CNTN4: variants seen among roughly 807,000 people sequenced by gnomAD.
CNTN4 encodes contactin 4, also known as contactin-4.
Under a neutral mutation model 122.5 loss-of-function variants are expected in CNTN4, and 77 were observed. That is an observed-to-expected ratio of 0.63 (90% CI 0.52 to 0.76). The LOEUF is 0.76. Among genes scored for constraint, CNTN4 ranks in the 30% least tolerant of loss-of-function variants. The probability of loss-of-function intolerance (pLI) is 0.00; values close to 1 mark genes in which losing one functional copy is unlikely to be tolerated. For missense variants in CNTN4, 1,256 were observed against 1,259.1 expected (o/e 1.00, Z 0.04); for synonymous variants, 512 against 447.0 (o/e 1.15, Z -1.83).
chr3:2,964,596 A>G (rs1692110434), intron 13 of CNTN4, among the ~76,000 whole-genome samples: 2 of 152,172 alleles, frequency 1.3e-5, no homozygotes, highest in South Asian at 4.1e-4. Context: ...TGTTTCTTAT[A>G]AGCTCCCATA....
chr3:2,664,241 A>T (rs1447766358), intron 4 of CNTN4, among the ~76,000 whole-genome samples: 4 of 152,230 alleles, frequency 2.6e-5, no homozygotes, highest in Non-Finnish European at 5.9e-5. Context: ...TTGGGGTAAT[A>T]GAAATACATA....
At chr3:2,428,293 C>T (rs531605258) in intron 3 of CNTN4, among the ~76,000 whole-genome samples, 6 of 152,230 alleles carry the variant, frequency 3.9e-5, no homozygotes, top group African/African-American at 7.2e-5. Context: ...TCAGCATTTG[C>T]TTGTCTGTAA....
chr3:2,648,160 C>A (rs138628046), intron 4 of CNTN4, among the ~76,000 whole-genome samples: 82 of 152,202 alleles, frequency 5.4e-4, no homozygotes, highest in African/African-American at 1.9e-3. Flanking sequence ...ATGACACTTA[C>A]TTTATTTGGA....
At chr3:2,423,678 A>T (rs1386755376) in intron 3 of CNTN4, among the ~76,000 whole-genome samples, 1 of 152,074 alleles carries the variant, frequency 6.6e-6, no homozygotes, top group Admixed American at 6.6e-5. Flanking sequence ...TTGGATAATC[A>T]TTAGATTGCT....
intron 2 of CNTN4, among the ~76,000 whole-genome samples, chr3:2,192,244 C>T (rs987735398): frequency 2.6e-5 from 4 of 152,128 alleles, no homozygotes; most frequent in African/African-American, 9.7e-5. Context: ...GGTGTATACC[C>T]ATTAATGGGA....
Position 2,633,536 on chromosome 3 carries a change from G to T in CNTN4, c.55+61978G>T, listed in dbSNP as rs1020469188. 2.6e-5 allele frequency among the ~76,000 whole-genome samples: 4 copies of T among 152,266 alleles called. No homozygotes were observed. The South Asian group carries it at 8.3e-4, about 32-fold the overall frequency. On this transcript the variant is annotated intron_variant, in intron 4 of 24. Transcript: ENST00000418658. The stretch of plus-strand genomic sequence containing the variant: ...TACAGAAAGTCAAGCTTGATTTGGG[G>T]CTTAAATCCATTGTGAAAATGCAGT...
intron 2 of CNTN4, among the ~76,000 whole-genome samples, chr3:2,199,104 A>G (rs1242498142): frequency 6.6e-6 from 1 of 152,220 alleles, no homozygotes; most frequent in Non-Finnish European, 1.5e-5. Context: ...TCTAGCTGGG[A>G]GGAATTCCCC....
At chr3:2,631,797 G>GA (rs2082439694) in intron 4 of CNTN4, among the ~76,000 whole-genome samples, 1 of 143,378 alleles carries the variant, frequency 7.0e-6, no homozygotes, top group Non-Finnish European at 1.5e-5. Context: ...AGAAGGCCAA[G>GA]ATGGGAAAAT....
intron 3 of CNTN4, among the ~76,000 whole-genome samples, chr3:2,527,920 C>G (rs2077460811): frequency 6.6e-6 from 1 of 152,098 alleles, no homozygotes; most frequent in African/African-American, 2.4e-5. Context: ...GTTCTGCTTT[C>G]CTTTTGTTTT....
chr3:2,164,340 G>A (rs938828945), intron 2 of CNTN4, among the ~76,000 whole-genome samples: 1 of 152,080 alleles, frequency 6.6e-6, no homozygotes, highest in Admixed American at 6.6e-5. Context: ...TCGCATAACT[G>A]TAAGTAAAAA....
chr3:2,567,768 C>A (rs1008178660), intron 3 of CNTN4, among the ~76,000 whole-genome samples: 9 of 152,136 alleles, frequency 5.9e-5, no homozygotes, highest in Non-Finnish European at 1.3e-4. Flanking sequence ...TGTCACTTGG[C>A]TCAGAATGGC....
At chr3:2,147,427 T>C (rs2035296741) in intron 2 of CNTN4, among the ~76,000 whole-genome samples, 1 of 152,304 alleles carries the variant, frequency 6.6e-6, no homozygotes, top group South Asian at 2.1e-4. Flanking sequence ...TTAAGTACTC[T>C]GGAAGCCAGA....
At chr3:2,698,138 A>G (rs1438147532) in intron 4 of CNTN4, among the ~76,000 whole-genome samples, 2 of 152,246 alleles carry the variant, frequency 1.3e-5, no homozygotes, top group African/African-American at 4.8e-5. Flanking sequence ...TGCAGAAATT[A>G]TCACAGGACT....
At chr3:2,747,222 A>G (rs1436483275) in intron 6 of CNTN4, among the ~76,000 whole-genome samples, 3 of 152,174 alleles carry the variant, frequency 2.0e-5, no homozygotes, top group East Asian at 1.9e-4. Context: ...ATCCTGGCTA[A>G]CACGATGAAA....
chr3:2,776,313 C>CT (rs11303875), intron 6 of CNTN4, among the ~76,000 whole-genome samples: 36 of 117,916 alleles, frequency 3.1e-4, no homozygotes, highest in South Asian at 8.3e-4. Context: ...ATAAGTGTTT[C>CT]TTTTTTTTTT....
At chr3:2,209,216 C>T (rs927809407) in intron 2 of CNTN4, among the ~76,000 whole-genome samples, 26 of 152,262 alleles carry the variant, frequency 1.7e-4, no homozygotes, top group African/African-American at 6.0e-4. Context: ...TGCTATGTTC[C>T]TGTCAATCTC....
At chr3:2,277,130 C>T (rs1456621721) in intron 2 of CNTN4, among the ~76,000 whole-genome samples, 8 of 152,066 alleles carry the variant, frequency 5.3e-5, no homozygotes, top group Admixed American at 5.2e-4. Flanking sequence ...TTAGAACCCA[C>T]ACATTTTCAC....
chr3:2,915,169 G>A (rs374180336), intron 12 of CNTN4, among the ~76,000 whole-genome samples: 128 of 152,292 alleles, frequency 8.4e-4, no homozygotes, highest in Middle Eastern at 3.4e-3. Flanking sequence ...GGGTTCAAGC[G>A]TATCTCCCAC....
chr3:2,611,511 T>A (rs961388251), intron 4 of CNTN4, among the ~76,000 whole-genome samples: 12 of 152,144 alleles, frequency 7.9e-5, no homozygotes, highest in Non-Finnish European at 1.3e-4. Context: ...TGATAGTACC[T>A]GCTTGGGAGA....
Sources: allele counts gnomAD v4.1 joint callset (sites outside exome capture counted in the v4.1 genomes callset), GRCh38; gene constraint gnomAD v4.1.1; transcripts MANE v1.5; gene names NCBI Gene and HGNC (gene_info 2026-07-23, HGNC 2026-07-21).